The following PPP1R9A variants were observed in gnomAD, a reference collection of about 807,000 sequenced individuals.
PPP1R9A encodes the protein neurabin-1.
A neutral mutation model predicts 141.9 loss-of-function variants in PPP1R9A; 59 were observed. That is an observed-to-expected ratio of 0.42 (90% CI 0.34 to 0.52). The LOEUF (loss-of-function observed/expected upper bound fraction) is 0.52, where lower values mean the gene tolerates loss of function less well. Ranked by LOEUF, PPP1R9A falls within the 20% of genes least tolerant of loss-of-function variation. The pLI is 0.10. For synonymous variants in PPP1R9A, 500 were observed against 569.7 expected (o/e 0.88, Z 1.74); for missense variants, 1,444 against 1,611.9 (o/e 0.90, Z 1.78).
chr7:95,202,566 GA>G, intron 6 of PPP1R9A: 1 of 873,334 alleles, frequency 1.1e-6, no homozygotes, highest in Non-Finnish European at 1.4e-6. Flanking sequence ...TTAATAATCT[GA>G]AAGGTTGCCA....
intron 2 of PPP1R9A, among the ~76,000 whole-genome samples, chr7:95,040,397 G>A (rs1361132773): frequency 6.6e-6 from 1 of 151,922 alleles, no homozygotes; most frequent in Non-Finnish European, 1.5e-5. Flanking sequence ...GCATGATGAT[G>A]TTAAGGAGTT....
At chr7:95,184,658 G>A (rs751609504) in intron 5 of PPP1R9A, among the ~76,000 whole-genome samples, 1 of 151,986 alleles carries the variant, frequency 6.6e-6, no homozygotes, top group South Asian at 2.1e-4. Context: ...CCCTTATAAC[G>A]TTTTTATGCC....
intron 16 of PPP1R9A, among the ~76,000 whole-genome samples, chr7:95,278,053 C>T (rs905202618): frequency 6.6e-6 from 1 of 152,272 alleles, no homozygotes; most frequent in Non-Finnish European, 1.5e-5. Flanking sequence ...AATGAATTTG[C>T]ATTCAAGTAG....
At chr7:95,218,655 TA>T (rs1793894035) in intron 7 of PPP1R9A, among the ~76,000 whole-genome samples, 1 of 151,770 alleles carries the variant, frequency 6.6e-6, no homozygotes. Flanking sequence ...GGTGCTCCTG[TA>T]TTGGGTGCAT....
intron 8 of PPP1R9A, among the ~76,000 whole-genome samples, chr7:95,237,192 T>A (rs1053002967): frequency 1.3e-4 from 19 of 148,554 alleles, no homozygotes; most frequent in African/African-American, 3.9e-4. Flanking sequence ...TTTTTTTTTT[T>A]ATGGTTTTTT....
chr7:94,926,085 C>A (rs1793447713), intron 2 of PPP1R9A, among the ~76,000 whole-genome samples: 1 of 152,130 alleles, frequency 6.6e-6, no homozygotes, highest in South Asian at 2.1e-4. Context: ...ACCTCAGCCT[C>A]TAAAGTGCTG....
chr7:95,039,959 C>A (rs1808990645), intron 2 of PPP1R9A, among the ~76,000 whole-genome samples: 1 of 152,068 alleles, frequency 6.6e-6, no homozygotes, highest in South Asian at 2.1e-4. Context: ...AAACCAAATA[C>A]CAACAGCCCA....
chr7:95,259,596 T>C (rs1800122702), intron 12 of PPP1R9A, among the ~76,000 whole-genome samples: 1 of 152,180 alleles, frequency 6.6e-6, no homozygotes, highest in Admixed American at 6.5e-5. Context: ...ACCTGTGGGT[T>C]TGAGGCCAGG....
At position 95,054,705 on chromosome 7, in the gene PPP1R9A, C is replaced by T. The variant is rs190603554; in HGVS notation, c.1396-56554C>T. The stretch of plus-strand genomic sequence containing the variant: ...TTCCACATCTGACCTTTTTCTCTTT[C>T]TTGACTGGTCTAGGTTTGTACTTGC... On this transcript the variant is annotated intron_variant, in intron 2 of 19. Transcript: ENST00000433360. Among the ~76,000 whole-genome samples the T allele has an allele frequency of 5.5e-4, 84 of 152,200 alleles. No individual in the cohort carries two copies. In the East Asian group the frequency reaches 0.011, roughly 20 times the overall value.
At chr7:95,187,994 A>G (rs1171693756) in intron 5 of PPP1R9A, among the ~76,000 whole-genome samples, 1 of 152,100 alleles carries the variant, frequency 6.6e-6, no homozygotes, top group Non-Finnish European at 1.5e-5. Context: ...GTTGGGTAGA[A>G]TGTTCTCTAA....
At chr7:95,152,005 G>T (rs770228450) in intron 4 of PPP1R9A, among the ~76,000 whole-genome samples, 6 of 113,240 alleles carry the variant, frequency 5.3e-5, no homozygotes, top group Non-Finnish European at 9.8e-5. Flanking sequence ...AGGCTAGAAT[G>T]CAGTAGCACA....
At chr7:95,055,214 T>C (rs1178248656) in intron 2 of PPP1R9A, among the ~76,000 whole-genome samples, 2 of 152,048 alleles carry the variant, frequency 1.3e-5, no homozygotes, top group African/African-American at 4.8e-5. Flanking sequence ...ATTTTATGAC[T>C]AGAAGTATTA....
chr7:95,050,000 G>C (rs902847652), intron 2 of PPP1R9A, among the ~76,000 whole-genome samples: 1 of 152,116 alleles, frequency 6.6e-6, no homozygotes, highest in Admixed American at 6.5e-5. Flanking sequence ...TAATTTTTCA[G>C]TTCATCTGGA....
At chr7:95,003,076 A>T (rs561248877) in intron 2 of PPP1R9A, among the ~76,000 whole-genome samples, 1 of 152,310 alleles carries the variant, frequency 6.6e-6, no homozygotes, top group African/African-American at 2.4e-5. Flanking sequence ...AATAAATCAG[A>T]AAATTGCCTT....
intron 2 of PPP1R9A, among the ~76,000 whole-genome samples, chr7:95,056,935 G>T (rs1161675514): frequency 6.6e-6 from 1 of 152,018 alleles, no homozygotes; most frequent in Admixed American, 6.6e-5. Flanking sequence ...ACTAAACTTT[G>T]TTAGACAACT....
At chr7:95,147,574 G>A (rs183141716) in intron 4 of PPP1R9A, among the ~76,000 whole-genome samples, 86 of 152,100 alleles carry the variant, frequency 5.7e-4, no homozygotes, top group Non-Finnish European at 8.4e-4. Flanking sequence ...GTCTTGTGTC[G>A]GTTTTTAAAG....
intron 2 of PPP1R9A, chr7:95,035,596 A>T (rs1808324605): frequency 6.6e-6 from 1 of 152,184 alleles, no homozygotes; most frequent in Admixed American, 6.5e-5. Context: ...ACAAGATTTA[A>T]GGATGTTTAG....
At chr7:94,917,286 T>C (rs551721044) in intron 2 of PPP1R9A, among the ~76,000 whole-genome samples, 1 of 152,244 alleles carries the variant, frequency 6.6e-6, no homozygotes, top group Non-Finnish European at 1.5e-5. Context: ...ATAGCTATAC[T>C]TTTAAACTGA....
chr7:94,919,065 G>A (rs549324432), intron 2 of PPP1R9A, among the ~76,000 whole-genome samples: 3 of 152,130 alleles, frequency 2.0e-5, no homozygotes, highest in Admixed American at 6.5e-5. Context: ...GTGGGACACC[G>A]CACTTCTCTT....
Sources: allele counts gnomAD v4.1 joint callset (sites outside exome capture counted in the v4.1 genomes callset), GRCh38; gene constraint gnomAD v4.1.1; transcripts MANE v1.5; gene names NCBI Gene and HGNC (gene_info 2026-07-23, HGNC 2026-07-21).